Variants in NT5DC3 observed in about 807,000 individuals in gnomAD.
NT5DC3 encodes the protein 5'-nucleotidase domain containing 3, also known as 5'-nucleotidase domain-containing protein 3.
Under a neutral mutation model 67.8 loss-of-function variants are expected in NT5DC3, and 42 were observed. The observed-to-expected ratio is 0.62, with a 90% confidence interval of 0.48 to 0.80. NT5DC3 has a LOEUF of 0.80. Among genes scored for constraint, NT5DC3 ranks in the 30% least tolerant of loss-of-function variants. The pLI is 0.00. For missense variants in NT5DC3, 570 were observed against 696.4 expected (o/e 0.82, Z 2.04); for synonymous variants, 237 against 255.6 (o/e 0.93, Z 0.69).
In NT5DC3 at chr12:103,774,389, G is replaced by A. The variant is rs1160133397; in HGVS notation, c.*3440C>T. On this transcript the variant is annotated 3_prime_UTR_variant, in exon 14 of 14. Transcript: ENST00000392876. ...CAGTGCAGTGTGCCAGATCCCAGTTGAGTCATGATAGGCTGGGCACGGTGG... is the reference window on the plus strand; with the variant it reads ...CAGTGCAGTGTGCCAGATCCCAGTTAAGTCATGATAGGCTGGGCACGGTGG... 6.6e-6 allele frequency: 1 copy of A among 152,252 alleles called. No individual in the cohort carries two copies. Among genetic ancestry groups the A allele is most frequent in the Non-Finnish European group, 1.5e-5 (1 of 68,086 alleles). The allele number at this position is 152,252 out of a possible 1,614,324, so 9.4% of individuals were successfully genotyped here.
chr12:103,833,603 C>T lies in NT5DC3; in HGVS notation c.208+7346G>A, dbSNP rs181929469. On this transcript the variant is annotated intron_variant, in intron 1 of 13. Transcript: ENST00000392876. ...AGAACTTTGAATAAATCTTTCAACA[C>T]CCTATAAAAGCTTCTAACTAATCCC... Among the ~76,000 whole-genome samples the T allele has an allele frequency of 3.5e-3, 525 of 152,052 alleles. 6 individuals are homozygous for T. The highest frequency in any genetic ancestry group is 0.019 in the South Asian group (94 of 4,824).
At chr12:103,758,109 A>G in the NT5DC3 span, 1 of 1,605,910 alleles carries the variant, frequency 6.2e-7, no homozygotes, top group Non-Finnish European at 8.5e-7. Flanking sequence ...GACCTTCTTC[A>G]GCCACCCAGG....
the NT5DC3 span, among the ~76,000 whole-genome samples, chr12:103,749,453 A>C: frequency 6.6e-6 from 1 of 152,102 alleles, no homozygotes; most frequent in African/African-American, 2.4e-5. Flanking sequence ...ACATCAGGGG[A>C]AAGTGGGTAG....
the NT5DC3 span, chr12:103,759,025 G>A: frequency 6.3e-7 from 1 of 1,577,466 alleles, no homozygotes; most frequent in Non-Finnish European, 8.7e-7. Flanking sequence ...CATGGAGGCA[G>A]GAAAGCCTAG....
chr12:103,762,522 A>G, the NT5DC3 span: 2 of 1,507,088 alleles, frequency 1.3e-6, no homozygotes, highest in Non-Finnish European at 1.8e-6. Context: ...TGTGTCACAC[A>G]GTAGCAGGGG....
downstream of NT5DC3, among the ~76,000 whole-genome samples, chr12:103,767,858 G>A (rs1213964392): frequency 2.0e-5 from 3 of 151,868 alleles, no homozygotes; most frequent in African/African-American, 4.8e-5. Flanking sequence ...TGAGATGGAC[G>A]GATCACGAGG....
intron 1 of NT5DC3, among the ~76,000 whole-genome samples, chr12:103,834,218 T>C (rs1269750846): frequency 6.6e-6 from 1 of 151,572 alleles, no homozygotes; most frequent in African/African-American, 2.4e-5. Context: ...GCAGCTAATG[T>C]TTTTGCTACA....
intron 1 of NT5DC3, among the ~76,000 whole-genome samples, chr12:103,830,197 T>A (rs1887868643): frequency 6.6e-6 from 1 of 152,220 alleles, no homozygotes; most frequent in Non-Finnish European, 1.5e-5. Context: ...ATAAGGAAAC[T>A]GAGACACACA....
intron 13 of NT5DC3, among the ~76,000 whole-genome samples, chr12:103,779,028 G>A (rs1226188786): frequency 2.0e-5 from 3 of 152,166 alleles, no homozygotes; most frequent in South Asian, 4.1e-4. Context: ...TTCCCTTACC[G>A]AAAGGATCAA....
intron 2 of NT5DC3, among the ~76,000 whole-genome samples, chr12:103,814,347 C>G (rs925897984): frequency 2.2e-4 from 33 of 152,234 alleles, no homozygotes; most frequent in Non-Finnish European, 7.3e-5. Context: ...GAGAGCTGAG[C>G]TGTACTTCCC....
intron 1 of NT5DC3, 47 bp from the exon 2 acceptor site, chr12:103,815,168 G>T (rs1273980634): frequency 1.6e-6 from 2 of 1,249,232 alleles, no homozygotes; most frequent in South Asian, 1.6e-5. Context: ...ATAAATAAGG[G>T]TTAGTATGAT....
intron 11 of NT5DC3, 52 bp from the exon 12 acceptor site, chr12:103,785,527 T>C: frequency 6.3e-7 from 1 of 1,582,520 alleles, no homozygotes; most frequent in East Asian, 2.2e-5. Flanking sequence ...GAATCTAAAC[T>C]ATGTCATTAT....
downstream of NT5DC3, chr12:103,766,098 A>T: frequency 1.3e-6 from 1 of 747,168 alleles, no homozygotes; most frequent in Non-Finnish European, 2.4e-6. Context: ...AGAGACTAAA[A>T]CAGGTGGCCC....
At chr12:103,780,191 A>C in intron 13 of NT5DC3, 109 bp downstream of exon 13, 1 of 906,038 alleles carries the variant, frequency 1.1e-6, no homozygotes, top group South Asian at 1.3e-5. Flanking sequence ...GGGAGCTAAA[A>C]TAGGATGTTT....
intron 4 of NT5DC3, among the ~76,000 whole-genome samples, chr12:103,806,102 T>C (rs1186145662): frequency 6.6e-6 from 1 of 152,122 alleles, no homozygotes; most frequent in African/African-American, 2.4e-5. Context: ...CTTACATGAC[T>C]TCCCACCCAC....
intron 2 of NT5DC3, among the ~76,000 whole-genome samples, chr12:103,810,677 C>A (rs1178525042): frequency 6.6e-6 from 1 of 152,186 alleles, no homozygotes; most frequent in Non-Finnish European, 1.5e-5. Flanking sequence ...TGATAAAGAG[C>A]AAAGTGTCCC....
Position 103,806,392 on chromosome 12 carries a change from A to T in NT5DC3, c.469-15T>A, listed in dbSNP as rs370315770. On this transcript the variant is annotated splice_polypyrimidine_tract_variant and intron_variant, in intron 3 of 13. Transcript: ENST00000392876. ...ATTAATACTGCCTTTAAAAACATAA[A>T]CATATGCACATGTAAATAATGTATG... The T allele has an allele frequency of 3.9e-6, 6 of 1,550,908 alleles. No homozygotes were observed. Among genetic ancestry groups the T allele is most frequent in the Non-Finnish European group, 5.3e-6 (6 of 1,122,528 alleles).
intron 1 of NT5DC3, among the ~76,000 whole-genome samples, chr12:103,823,131 G>C (rs889745342): frequency 1.3e-5 from 2 of 151,516 alleles, no homozygotes; most frequent in African/African-American, 4.9e-5. Context: ...TAGATTTCAA[G>C]CTGTTTTTCT....
intron 1 of NT5DC3, among the ~76,000 whole-genome samples, chr12:103,827,052 TG>T (rs2139457413): frequency 6.6e-6 from 1 of 152,256 alleles, no homozygotes; most frequent in South Asian, 2.1e-4. Flanking sequence ...GAGACCAGCC[TG>T]GCCAACATGG....
Sources: allele counts gnomAD v4.1 joint callset (sites outside exome capture counted in the v4.1 genomes callset), GRCh38; gene constraint gnomAD v4.1.1; transcripts MANE v1.5; gene names NCBI Gene and HGNC (gene_info 2026-07-23, HGNC 2026-07-21).